NWD2: variants seen among roughly 807,000 people sequenced by gnomAD.
NWD2 encodes the protein NACHT and WD repeat domain containing 2.
A neutral mutation model predicts 132.7 loss-of-function variants in NWD2; 37 were observed. The ratio of observed to expected loss-of-function variants is 0.28; its 90% confidence interval spans 0.21 to 0.37. The LOEUF (loss-of-function observed/expected upper bound fraction) is 0.37, where lower values mean the gene tolerates loss of function less well. Among genes scored for constraint, NWD2 ranks in the 10% least tolerant of loss-of-function variants. NWD2 has a pLI of 1.00. For synonymous variants in NWD2, 705 were observed against 803.0 expected, an observed-to-expected ratio of 0.88 and a Z score of 2.06; for missense variants, 1,592 against 2,122.4, an observed-to-expected ratio of 0.75 and a Z score of 4.91.
intron 1 of NWD2, 118 bp from the exon 2 acceptor site, chr4:37,325,818 A>G (rs2109287689): frequency 1.6e-6 from 1 of 619,720 alleles, no homozygotes; most frequent in East Asian, 3.0e-5. Flanking sequence ...TTATTTCACA[A>G]TCCAGCACCT....
intron 1 of NWD2, among the ~76,000 whole-genome samples, chr4:37,275,612 TC>T (rs1717994396): frequency 6.6e-6 from 1 of 152,118 alleles, no homozygotes; most frequent in Non-Finnish European, 1.5e-5. Context: ...AGAGCCCACA[TC>T]GCCAAGTCAA....
At chr4:37,368,360 T>C in intron 3 of NWD2, among the ~76,000 whole-genome samples, 1 of 152,170 alleles carries the variant, frequency 6.6e-6, no homozygotes, top group East Asian at 1.9e-4. Flanking sequence ...AGTCTCAAAA[T>C]GCTTCTAGGA....
chr4:37,281,954 G>C (rs1718138464), intron 1 of NWD2, among the ~76,000 whole-genome samples: 1 of 152,190 alleles, frequency 6.6e-6, no homozygotes, highest in East Asian at 1.9e-4. Flanking sequence ...AAGCCTTCAT[G>C]ATATTTATGA....
Position 37,399,896 on chromosome 4 carries a change from A to C in NWD2, c.358-30676A>C, listed in dbSNP as rs77560462. On this transcript the variant is annotated intron_variant, in intron 3 of 6. Coordinates refer to ENST00000309447, the MANE Select transcript of NWD2 (RefSeq NM_001144990.2). ...TTCTAGGGAGAGGCCCGGTGTTTTAACAAGCTCACCAGATGCATGATTCTG... is the reference window on the plus strand; with the variant it reads ...TTCTAGGGAGAGGCCCGGTGTTTTACCAAGCTCACCAGATGCATGATTCTG... Among the ~76,000 whole-genome samples, 1,337 of 152,320 alleles carry C rather than the reference A, an allele frequency of 8.8e-3. 20 individuals are homozygous for C. The highest frequency in any genetic ancestry group is 0.031 in the African/African-American group (1,274 of 41,570).
At chr4:37,338,302 C>T (rs1719451139) in intron 2 of NWD2, among the ~76,000 whole-genome samples, 1 of 152,250 alleles carries the variant, frequency 6.6e-6, no homozygotes, top group African/African-American at 2.4e-5. Flanking sequence ...CTAGGCATCA[C>T]TGGGGACTGG....
chr4:37,350,298 G>T (rs1240168388), intron 2 of NWD2, among the ~76,000 whole-genome samples: 3 of 152,148 alleles, frequency 2.0e-5, no homozygotes, highest in African/African-American at 4.8e-5. Flanking sequence ...TCACGATATT[G>T]ATTCTTCCTA....
intron 1 of NWD2, among the ~76,000 whole-genome samples, chr4:37,263,299 C>A (rs1009737410): frequency 1.3e-5 from 2 of 152,008 alleles, no homozygotes; most frequent in Non-Finnish European, 2.9e-5. Flanking sequence ...TTTTTTTATT[C>A]ATTCCAGGAA....
chr4:37,347,803 T>C (rs1046780384), intron 2 of NWD2, among the ~76,000 whole-genome samples: 5 of 152,228 alleles, frequency 3.3e-5, no homozygotes, highest in Admixed American at 6.5e-5. Context: ...TTTACCATTT[T>C]TTATTTGCTC....
intron 1 of NWD2, among the ~76,000 whole-genome samples, chr4:37,318,024 T>C (rs1250330023): frequency 1.4e-5 from 2 of 147,648 alleles, no homozygotes; most frequent in East Asian, 1.9e-4. Context: ...TTCTTTCTTT[T>C]TTTTTTTTTT....
At chr4:37,276,926 T>A (rs891522287) in intron 1 of NWD2, among the ~76,000 whole-genome samples, 66 of 151,908 alleles carry the variant, frequency 4.3e-4, no homozygotes, top group Admixed American at 3.9e-4. Flanking sequence ...TAGGTGGGAA[T>A]TGAACAATGA....
chr4:37,380,869 C>T (rs539697157), intron 3 of NWD2, among the ~76,000 whole-genome samples: 2 of 152,246 alleles, frequency 1.3e-5, no homozygotes, highest in East Asian at 3.9e-4. Flanking sequence ...AAACGTTCCC[C>T]CCAGTCTTGA....
chr4:37,333,025 A>G lies in NWD2; in HGVS notation c.240+7001A>G, dbSNP rs992190750. Among the ~76,000 whole-genome samples the G allele has an allele frequency of 3.9e-5, 6 of 152,106 alleles. No homozygotes were observed. In the East Asian group the frequency reaches 5.8e-4, roughly 15 times the overall value. ...TCTGCTCGTGAAAAAGGGAGGGAAG[A>G]GTGGGAAGGACTTTGTCATGTGGCT... On this transcript the variant is annotated intron_variant, in intron 2 of 6. Coordinates refer to ENST00000309447, the MANE Select transcript of NWD2 (RefSeq NM_001144990.2).
At chr4:37,402,671 C>T (rs1720920024) in intron 3 of NWD2, among the ~76,000 whole-genome samples, 1 of 152,150 alleles carries the variant, frequency 6.6e-6, no homozygotes, top group Non-Finnish European at 1.5e-5. Context: ...GTAGAAAGAT[C>T]AGGCTGGGAT....
chr4:37,290,593 G>A (rs564578391), intron 1 of NWD2, among the ~76,000 whole-genome samples: 28 of 152,294 alleles, frequency 1.8e-4, no homozygotes, highest in South Asian at 1.0e-3. Context: ...GTAGGAGCAC[G>A]CATTGGTTAA....
At chr4:37,266,671 G>A (rs1270329225) in intron 1 of NWD2, among the ~76,000 whole-genome samples, 1 of 152,036 alleles carries the variant, frequency 6.6e-6, no homozygotes. Context: ...CCAACTTAGT[G>A]TGACTTCTCA....
In NWD2 at chr4:37,298,612, G is replaced by T. The variant is rs1718549124; in HGVS notation, c.152-27324G>T. Among the ~76,000 whole-genome samples, 16 of 152,180 alleles carry T rather than the reference G, an allele frequency of 1.1e-4. No homozygotes were observed. The South Asian group carries it at 3.3e-3, about 32-fold the overall frequency. ...GGGCAGATGGATAGGAGAAAAGAGAGCTCTTCATTATTTGCTAAGTGATAG... is the reference window on the plus strand; with the variant it reads ...GGGCAGATGGATAGGAGAAAAGAGATCTCTTCATTATTTGCTAAGTGATAG... On this transcript the variant is annotated intron_variant, in intron 1 of 6. Transcript: ENST00000309447.
rs554958649 is a variant in NWD2 at position 37,321,428 on chromosome 4, A to T, written c.152-4508A>T. Among the ~76,000 whole-genome samples, 3 of 152,380 alleles carry T rather than the reference A, an allele frequency of 2.0e-5. No individual in the cohort carries two copies. The South Asian group carries it at 6.2e-4, about 32-fold the overall frequency. ...TTAACTCTGAAATCACAAAGGAATC[A>T]TTCAGAAAGCAGCTCCTTAAATACC... On this transcript the variant is annotated intron_variant, in intron 1 of 6. Transcript: ENST00000309447.
In NWD2 at chr4:37,390,822, C is replaced by T. The variant is rs182473589; in HGVS notation, c.357+34340C>T. ...GACAGATATTTTGGAGCCTGGAAGA[C>T]GTTCGGTAAATATTTTATTTCATTT... On this transcript the variant is annotated intron_variant, in intron 3 of 6. Coordinates refer to ENST00000309447, the MANE Select transcript of NWD2 (RefSeq NM_001144990.2). Among the ~76,000 whole-genome samples the T allele has an allele frequency of 5.3e-5, 8 of 152,152 alleles. No homozygotes were observed. In the South Asian group the frequency reaches 6.2e-4, roughly 12 times the overall value.
intron 1 of NWD2, among the ~76,000 whole-genome samples, chr4:37,252,920 C>A (rs936230001): frequency 6.6e-5 from 10 of 152,086 alleles, no homozygotes; most frequent in African/African-American, 2.2e-4. Flanking sequence ...GAGAATTAGA[C>A]CCCATTTATT....
Sources: allele counts gnomAD v4.1 joint callset (sites outside exome capture counted in the v4.1 genomes callset), GRCh38; gene constraint gnomAD v4.1.1; transcripts MANE v1.5; gene names NCBI Gene and HGNC (gene_info 2026-07-23, HGNC 2026-07-21).